UBR3: variants seen among roughly 807,000 people sequenced by gnomAD.
UBR3 encodes E3 ubiquitin-protein ligase UBR3.
In UBR3, 85 loss-of-function variants were observed where a neutral mutation model predicts 243.2. The ratio of observed to expected loss-of-function variants is 0.35; its 90% CI spans 0.29 to 0.42. UBR3 has a LOEUF of 0.42. UBR3 is among the 10% of genes least tolerant of loss of function. UBR3 has a pLI of 1.00. For synonymous variants in UBR3, 748 were observed against 799.8 expected, an observed-to-expected ratio of 0.94 and a Z score of 1.09; for missense variants, 1,686 against 2,300.8, an observed-to-expected ratio of 0.73 and a Z score of 5.47.
chr2:169,991,300 C>G (rs1574353086), intron 25 of UBR3, among the ~76,000 whole-genome samples: 2 of 152,232 alleles, frequency 1.3e-5, no homozygotes, highest in East Asian at 3.9e-4. Context: ...AGAAAGGAAA[C>G]TGAATACTTG....
chr2:169,993,343 A>AT (rs1331520622), intron 25 of UBR3, among the ~76,000 whole-genome samples: 2 of 152,296 alleles, frequency 1.3e-5, no homozygotes, highest in South Asian at 2.1e-4. Context: ...CACTTATATC[A>AT]TTTTTTGTGG....
intron 10 of UBR3, among the ~76,000 whole-genome samples, chr2:169,909,428 T>G (rs1007175185): frequency 1.3e-5 from 2 of 152,056 alleles, no homozygotes; most frequent in African/African-American, 4.8e-5. Flanking sequence ...TGATCTCACT[T>G]ATATGTAGAA....
chr2:170,072,775 C>A (rs184156958), intron 35 of UBR3, among the ~76,000 whole-genome samples: 6 of 152,158 alleles, frequency 3.9e-5, no homozygotes, highest in Admixed American at 3.9e-4. Flanking sequence ...GACACATTAG[C>A]TTCCTATGTG....
chr2:169,867,332 T>G (rs915871549), intron 1 of UBR3, among the ~76,000 whole-genome samples: 3 of 152,208 alleles, frequency 2.0e-5, no homozygotes, highest in Non-Finnish European at 4.4e-5. Flanking sequence ...ACTTAATTTA[T>G]CTTAGATATA....
intron 20 of UBR3, among the ~76,000 whole-genome samples, chr2:169,945,074 C>T (rs532400830): frequency 6.6e-6 from 1 of 152,136 alleles, no homozygotes; most frequent in Admixed American, 6.5e-5. Context: ...AAGCAAATGA[C>T]AGATATTAAC....
Position 169,878,678 on chromosome 2 carries a change from G to A in UBR3, c.1038+104G>A, listed in dbSNP as rs551723068. ...TATAGTTCTGAAACTGTATAGATTT[G>A]TAGGCATTATGTAGTTTAAGTTTCT... On this transcript the variant is annotated intron_variant, in intron 5 of 38. Coordinates refer to ENST00000272793, the MANE Select transcript of UBR3 (RefSeq NM_172070.4). 3.7e-5 allele frequency: 40 copies of A among 1,073,130 alleles called. No individual in the cohort carries two copies. The Admixed American group carries it at 6.8e-4, about 18-fold the overall frequency. The allele number at this position is 1,073,130 out of a possible 1,614,324, so 66.5% of individuals were successfully genotyped here.
chr2:170,021,941 A>C (rs938966944), intron 30 of UBR3, among the ~76,000 whole-genome samples: 3 of 152,116 alleles, frequency 2.0e-5, no homozygotes, highest in Non-Finnish European at 4.4e-5. Flanking sequence ...GAGTCTTTGG[A>C]TCTTACTTGG....
intron 1 of UBR3, among the ~76,000 whole-genome samples, chr2:169,835,469 TCTCA>T (rs2082054025): frequency 2.0e-5 from 3 of 152,128 alleles, no homozygotes; most frequent in Admixed American, 2.0e-4. Flanking sequence ...TGATATGGAG[TCTCA>T]CTCTGTTGCC....
chr2:170,043,594 A>G (rs1342320089), intron 32 of UBR3, among the ~76,000 whole-genome samples: 2 of 152,210 alleles, frequency 1.3e-5, no homozygotes, highest in Admixed American at 6.5e-5. Context: ...TTTCTTGGAC[A>G]AATTTAATAA....
intron 30 of UBR3, among the ~76,000 whole-genome samples, chr2:170,028,231 A>C (rs1165587836): frequency 1.3e-5 from 2 of 151,892 alleles, no homozygotes; most frequent in African/African-American, 4.8e-5. Context: ...CATATGTTTT[A>C]TAACAGCTTC....
chr2:169,829,505 C>T lies in UBR3; in HGVS notation c.545+1453C>T, dbSNP rs1274666510. ...ATGGCGCGACCTCGGCTCACTGAAACCTCCGCCCCCTGGGTTCAAGCGATT... is the reference window on the plus strand; with the variant it reads ...ATGGCGCGACCTCGGCTCACTGAAATCTCCGCCCCCTGGGTTCAAGCGATT... On this transcript the variant is annotated intron_variant, in intron 1 of 38. Coordinates refer to ENST00000272793, the MANE Select transcript of UBR3 (RefSeq NM_172070.4). Among the ~76,000 whole-genome samples, 3 of 144,236 alleles carry T rather than the reference C, an allele frequency of 2.1e-5. No individual in the cohort carries two copies. In the East Asian group the frequency reaches 6.4e-4, roughly 31 times the overall value. The allele number at this position is 144,236 out of a possible 152,430, so 94.6% of individuals were successfully genotyped here.
intron 24 of UBR3, among the ~76,000 whole-genome samples, chr2:169,963,109 T>A (rs144959311): frequency 1.3e-5 from 2 of 152,294 alleles, no homozygotes; most frequent in East Asian, 3.9e-4. Flanking sequence ...TGGTTTTTGT[T>A]GTTGTGGATG....
intron 1 of UBR3, among the ~76,000 whole-genome samples, chr2:169,840,228 A>C (rs1242222395): frequency 1.3e-5 from 2 of 152,090 alleles, no homozygotes; most frequent in Non-Finnish European, 2.9e-5. Context: ...TTTGGCAGTT[A>C]CTCAAGAGAC....
intron 23 of UBR3, among the ~76,000 whole-genome samples, chr2:169,956,300 T>TTATATATATATATA (rs145201293): frequency 6.8e-6 from 1 of 147,010 alleles, no homozygotes; most frequent in African/African-American, 2.5e-5. Context: ...AACTAAAATG[T>TTATATATATATATA]TATATATATA....
In UBR3 at chr2:170,061,415, T is replaced by G; in HGVS notation, c.4991T>G (p.Leu1664Arg). 1.2e-6 allele frequency: 2 copies of G among 1,613,820 alleles called. No homozygotes were observed. The highest frequency in any genetic ancestry group is 8.5e-7 in the Non-Finnish European group (1 of 1,179,880). Residue 1664 changes from leucine (L) to arginine (R), a missense_variant, in exon 35 of 39, where the codon CTT becomes CGT. Leu to Arg is a moderately radical substitution (Grantham distance 102). Transcript: ENST00000272793. ...LRITSLLQHH[L>R]FGEDLPSCQE... ...ATCACCAGCCTTCTTCAGCACCACC[T>G]TTTTGGGGAAGATTTACCTAGCTGC...
intron 5 of UBR3, among the ~76,000 whole-genome samples, chr2:169,887,898 T>C (rs2084167933): frequency 6.6e-6 from 1 of 151,270 alleles, no homozygotes; most frequent in South Asian, 2.1e-4. Context: ...TGCCTTAGCC[T>C]CCCGAGTAGC....
chr2:169,869,430 G>A (rs2083368767), intron 1 of UBR3, among the ~76,000 whole-genome samples: 1 of 151,794 alleles, frequency 6.6e-6, no homozygotes, highest in African/African-American at 2.4e-5. Flanking sequence ...CACCATGTTG[G>A]CCAGGCTGGT....
chr2:170,015,739 G>A (rs1309974915), intron 30 of UBR3, among the ~76,000 whole-genome samples: 2 of 151,686 alleles, frequency 1.3e-5, no homozygotes, highest in Admixed American at 1.3e-4. Flanking sequence ...TTATATTATT[G>A]CTATTAAGAT....
intron 32 of UBR3, among the ~76,000 whole-genome samples, chr2:170,045,063 C>T (rs544102730): frequency 1.5e-4 from 23 of 152,134 alleles, no homozygotes; most frequent in African/African-American, 4.1e-4. Flanking sequence ...AATAAAGACA[C>T]ATCTGAGACT....
Sources: allele counts gnomAD v4.1 joint callset (sites outside exome capture counted in the v4.1 genomes callset), GRCh38; gene constraint gnomAD v4.1.1; transcripts MANE v1.5; gene names NCBI Gene and HGNC (gene_info 2026-07-23, HGNC 2026-07-21).